ZSWIM6: variants seen among roughly 807,000 people sequenced by gnomAD.
ZSWIM6 encodes the protein zinc finger SWIM domain-containing protein 6.
Under a neutral mutation model 113.2 loss-of-function variants are expected in ZSWIM6, and 9 were observed. The ratio of observed to expected loss-of-function variants is 0.08; its 90% confidence interval spans 0.05 to 0.14. ZSWIM6 has a LOEUF of 0.14. Ranked by LOEUF, ZSWIM6 falls within the 10% of genes least tolerant of loss-of-function variation. ZSWIM6 has a pLI of 1.00. For missense variants in ZSWIM6, 1,162 were observed against 1,552.2 expected (o/e 0.75, Z 4.22); for synonymous variants, 611 against 606.5 (o/e 1.01, Z -0.11).
intron 1 of ZSWIM6, among the ~76,000 whole-genome samples, chr5:61,381,539 C>A (rs1561215549): frequency 6.6e-6 from 1 of 152,162 alleles, no homozygotes; most frequent in African/African-American, 2.4e-5. Context: ...TGTGTCATGG[C>A]TTCATATTAA....
intron 9 of ZSWIM6, among the ~76,000 whole-genome samples, chr5:61,532,026 G>A (rs1227667836): frequency 6.6e-6 from 1 of 152,160 alleles, no homozygotes; most frequent in Non-Finnish European, 1.5e-5. Context: ...TGTTGTTCCT[G>A]AGATAAATGC....
chr5:61,358,039 TCTCTC>T (rs1458598485), intron 1 of ZSWIM6, among the ~76,000 whole-genome samples: 1 of 152,192 alleles, frequency 6.6e-6, no homozygotes, highest in Non-Finnish European at 1.5e-5. Flanking sequence ...GTTTTTCTTA[TCTCTC>T]CTCTCATTTA....
rs989129644 is a variant in ZSWIM6 at position 61,531,408 on chromosome 5, T to C, written c.1985-57T>C. Reference sequence around the variant, plus strand: ...GGGGAAGTATAAATATTTGTACTTATCATATCATCTGCAAAAGTAGTTTCT... The same window carrying C: ...GGGGAAGTATAAATATTTGTACTTACCATATCATCTGCAAAAGTAGTTTCT... On this transcript the variant is annotated intron_variant, in intron 8 of 13. Coordinates refer to ENST00000252744, the MANE Select transcript of ZSWIM6 (RefSeq NM_020928.2). 17 of 1,508,218 alleles carry C rather than the reference T, an allele frequency of 1.1e-5. No individual in the cohort carries two copies. The South Asian group carries it at 2.1e-4, about 19-fold the overall frequency. The allele number at this position is 1,508,218 out of a possible 1,614,324, so 93.4% of individuals were successfully genotyped here. A position where few individuals can be genotyped will look rare whatever the true frequency, so the allele number is the denominator to read the frequency against.
At chr5:61,372,810 C>A (rs534963807) in intron 1 of ZSWIM6, among the ~76,000 whole-genome samples, 1 of 152,284 alleles carries the variant, frequency 6.6e-6, no homozygotes, top group South Asian at 2.1e-4. Flanking sequence ...TCATTTATAT[C>A]ATTTCTGAGT....
Position 61,544,299 on chromosome 5 carries a change from T to C in ZSWIM6, c.3630T>C (p.Val1210=), listed in dbSNP as rs573690426. 41 of 1,332,296 alleles carry C rather than the reference T, an allele frequency of 3.1e-5. No homozygotes were observed. The African/African-American group carries it at 6.4e-4, about 21-fold the overall frequency. The allele number at this position is 1,332,296 out of a possible 1,614,324, so 82.5% of individuals were successfully genotyped here. The part of the protein sequence containing the change: ...YKGKKKLMML[V]RERFG ...GCAAAAAGAAACTGATGATGTTGGT[T>C]CGGGAGAGGTTTGGTTGATAGATCT... is the stretch of plus-strand genomic sequence containing the variant. The change falls in exon 14 of 14, where the codon GTT becomes GTC. Residue 1210 remains valine (V), a synonymous_variant. Coordinates refer to ENST00000252744, the MANE Select transcript of ZSWIM6 (RefSeq NM_020928.2).
At chr5:61,426,287 GATA>G (rs1031059747) in intron 1 of ZSWIM6, among the ~76,000 whole-genome samples, 6 of 152,138 alleles carry the variant, frequency 3.9e-5, no homozygotes, top group South Asian at 2.1e-4. Flanking sequence ...TAATTTATTT[GATA>G]ATAATTTCAA....
chr5:61,489,619 A>G (rs534283084), intron 2 of ZSWIM6, among the ~76,000 whole-genome samples: 1 of 152,158 alleles, frequency 6.6e-6, no homozygotes, highest in Admixed American at 6.6e-5. Context: ...TGTAAAATAT[A>G]TTTCTTATTG....
chr5:61,492,276 A>G (rs1362228502), intron 3 of ZSWIM6, among the ~76,000 whole-genome samples: 2 of 152,138 alleles, frequency 1.3e-5, no homozygotes, highest in South Asian at 2.1e-4. Context: ...AGTATTTCAT[A>G]TATTCTTATG....
At chr5:61,528,361 T>C (rs1200388769) in intron 7 of ZSWIM6, among the ~76,000 whole-genome samples, 1 of 152,130 alleles carries the variant, frequency 6.6e-6, no homozygotes, top group Non-Finnish European at 1.5e-5. Flanking sequence ...CAGCATTTCC[T>C]TTAGCCCCAT....
chr5:61,402,286 T>A (rs578004726), intron 1 of ZSWIM6, among the ~76,000 whole-genome samples: 1 of 152,310 alleles, frequency 6.6e-6, no homozygotes, highest in East Asian at 1.9e-4. Context: ...GGGGAAGGAA[T>A]GATTCAATGG....
chr5:61,455,152 TA>T (rs943296639), intron 1 of ZSWIM6, among the ~76,000 whole-genome samples: 106 of 152,104 alleles, frequency 7.0e-4, no homozygotes, highest in African/African-American at 2.3e-3. Context: ...AAGTAATTTA[TA>T]AAAAAAATAG....
In ZSWIM6 at chr5:61,526,590, AT is replaced by A. The variant is rs34246689; in HGVS notation, c.1837+205del. Reference sequence around the variant, plus strand: ...TCTTAGTTGAATGTTGTAAGCAAAGATTTTTTTTTTTAATCTCTCAGGTTAG... The same window carrying A: ...TCTTAGTTGAATGTTGTAAGCAAAGATTTTTTTTTTAATCTCTCAGGTTAG... On this transcript the variant is annotated intron_variant, in intron 7 of 13. Coordinates refer to ENST00000252744, the MANE Select transcript of ZSWIM6 (RefSeq NM_020928.2). Among the ~76,000 whole-genome samples, 336 of 150,262 alleles carry A rather than the reference AT, an allele frequency of 2.2e-3. 1 individual carries two copies. Among genetic ancestry groups the A allele is most frequent in the Non-Finnish European group, 3.3e-3 (221 of 67,432 alleles).
chr5:61,357,681 T>C (rs373478576), intron 1 of ZSWIM6, among the ~76,000 whole-genome samples: 1 of 151,834 alleles, frequency 6.6e-6, no homozygotes, highest in South Asian at 2.1e-4. Flanking sequence ...CATGTAGTAA[T>C]TACAGTTTAA....
intron 1 of ZSWIM6, among the ~76,000 whole-genome samples, chr5:61,440,509 A>G (rs1168881839): frequency 6.6e-6 from 1 of 152,172 alleles, no homozygotes; most frequent in Non-Finnish European, 1.5e-5. Flanking sequence ...GAATGTCATG[A>G]GTATTAAAAT....
chr5:61,509,130 G>A (rs1306541538), intron 4 of ZSWIM6, among the ~76,000 whole-genome samples: 1 of 152,056 alleles, frequency 6.6e-6, no homozygotes, highest in Non-Finnish European at 1.5e-5. Flanking sequence ...CCTTGAATTG[G>A]ACTAAGTTGG....
rs2112296606 is a variant in ZSWIM6, at chr5:61,543,331, T to G, written c.2786-124T>G. Reference sequence around the variant, plus strand: ...TCACAGGCACATTACTTTACAGGATTTTCTAGCCTAGCTCATGTCCTATGA... The same window carrying G: ...TCACAGGCACATTACTTTACAGGATGTTCTAGCCTAGCTCATGTCCTATGA... On this transcript the variant is annotated intron_variant, in intron 13 of 13. Transcript: ENST00000252744. The surrounding 1 kb of genome is among the most constrained non-coding windows in gnomAD (Gnocchi z 4.3). 1 of 1,193,638 alleles carries G rather than the reference T, an allele frequency of 8.4e-7. No individual in the cohort carries two copies. The highest frequency in any genetic ancestry group is 2.6e-5 in the East Asian group (1 of 38,782). 73.9% of individuals were successfully genotyped at this position (1,193,638 alleles called of 1,614,324 possible).
intron 1 of ZSWIM6, among the ~76,000 whole-genome samples, chr5:61,407,416 C>T (rs1179779482): frequency 6.6e-6 from 1 of 152,014 alleles, no homozygotes; most frequent in Non-Finnish European, 1.5e-5. Flanking sequence ...ATAATAGTAA[C>T]CAAGAACCAT....
At chr5:61,528,391 T>C (rs1488216206) in intron 7 of ZSWIM6, among the ~76,000 whole-genome samples, 1 of 152,024 alleles carries the variant, frequency 6.6e-6, no homozygotes, top group Admixed American at 6.6e-5. Context: ...CATACACATA[T>C]ATATACATAT....
intron 1 of ZSWIM6, among the ~76,000 whole-genome samples, chr5:61,340,977 CTG>C (rs1311523453): frequency 6.6e-6 from 1 of 152,204 alleles, no homozygotes; most frequent in South Asian, 2.1e-4. Flanking sequence ...AACTACAAAA[CTG>C]TATTACAGCT....
Sources: gnomAD v4.1 joint callset for allele counts (sites outside exome capture counted in the v4.1 genomes callset) on GRCh38, gnomAD v4.1.1 for gene constraint, Gnocchi (gnomAD v3.1) non-coding constraint, MANE v1.5 for transcripts, NCBI Gene and HGNC (gene_info 2026-07-23, HGNC 2026-07-21) for gene names.